The following XRCC1 variants were observed in gnomAD, a reference collection of about 807,000 sequenced individuals.
XRCC1 encodes the protein X-ray repair cross complementing 1, also known as DNA repair protein XRCC1.
XRCC1 carries 52 observed loss-of-function variants against 83.3 expected under a neutral mutation model. The ratio of observed to expected loss-of-function variants is 0.62; its 90% CI spans 0.50 to 0.79. XRCC1 has a LOEUF of 0.79. XRCC1 is among the 30% of genes least tolerant of loss of function. The pLI, the probability that XRCC1 is intolerant of heterozygous loss-of-function variation, is 0.00. For missense variants in XRCC1, 793 were observed against 823.5 expected (o/e 0.96, Z 0.45); for synonymous variants, 281 against 312.6 (o/e 0.90, Z 1.07).
chr19:43,563,547 T>A (rs1013103433), intron 2 of XRCC1, among the ~76,000 whole-genome samples: 4 of 151,954 alleles, frequency 2.6e-5, no homozygotes, highest in African/African-American at 9.7e-5. Context: ...GTCTGACTGC[T>A]CCCCAGGCCA....
At chr19:43,557,536 C>T (rs761771225) in intron 3 of XRCC1, among the ~76,000 whole-genome samples, 3 of 151,818 alleles carry the variant, frequency 2.0e-5, no homozygotes, top group African/African-American at 4.8e-5. Flanking sequence ...TCTTCCTGAC[C>T]TTGACTATAC....
intron 15 of XRCC1, 39 bp downstream of exon 15, chr19:43,544,105 T>C: frequency 6.4e-7 from 1 of 1,551,626 alleles, no homozygotes. Context: ...TTCCCTTGGA[T>C]CCATCACCCC....
At chr19:43,559,305 A>C (rs1279013346) in intron 3 of XRCC1, among the ~76,000 whole-genome samples, 1 of 151,236 alleles carries the variant, frequency 6.6e-6, no homozygotes, top group East Asian at 2.0e-4. Context: ...AACACAGTGA[A>C]ACCCTGTCTC....
At chr19:43,575,300 C>G in intron 1 of XRCC1, 108 bp downstream of exon 1, 1 of 1,237,084 alleles carries the variant, frequency 8.1e-7, no homozygotes, top group Non-Finnish European at 1.1e-6. Flanking sequence ...TCCTGGAAAT[C>G]CCCCCATGAC....
At chr19:43,563,665 C>A (rs1972724152) in intron 2 of XRCC1, among the ~76,000 whole-genome samples, 2 of 152,164 alleles carry the variant, frequency 1.3e-5, no homozygotes, top group Admixed American at 1.3e-4. Context: ...CTGCCTAGAC[C>A]ACTCTTCCCT....
At chr19:43,575,028 A>AT in intron 1 of XRCC1, 26 bp from the exon 2 acceptor site, 1 of 1,583,204 alleles carries the variant, frequency 6.3e-7, no homozygotes, top group South Asian at 1.1e-5. Flanking sequence ...GGAGAGGAGA[A>AT]TTAGGGCACA....
At chr19:43,552,331 C>T (rs1972586931) in intron 8 of XRCC1, 56 bp from the exon 9 acceptor site, 20 of 1,317,812 alleles carry the variant, frequency 1.5e-5, no homozygotes, top group South Asian at 2.6e-5. Flanking sequence ...ACCCCCAGCC[C>T]CTCCTCCCTC....
rs752610644 is a variant in XRCC1 at position 43,548,784 on chromosome 19, A to AAAAAAAAAAAAAAAAAAAAAAAC, written c.1200-1808_1200-1807insGTTTTTTTTTTTTTTTTTTTTTT. Among the ~76,000 whole-genome samples the AAAAAAAAAAAAAAAAAAAAAAAC allele has an allele frequency of 5.2e-4, 74 of 142,108 alleles. 1 individual carries two copies. The highest frequency in any genetic ancestry group is 1.1e-3 in the East Asian group (5 of 4,484). The allele number at this position is 142,108 out of a possible 152,430, so 93.2% of individuals were successfully genotyped here. On this transcript the variant is annotated intron_variant, in intron 10 of 16. Transcript: ENST00000262887. ...GAATGATCAAAAAAAAAAAAAAAAA[A>AAAAAAAAAAAAAAAAAAAAAAAC]AACACAACAGTAGCAGGTTGACACT...
At chr19:43,552,346 C>G (rs963544435) in intron 8 of XRCC1, 71 bp from the exon 9 acceptor site, 3 of 1,158,766 alleles carry the variant, frequency 2.6e-6, no homozygotes, top group Non-Finnish European at 3.7e-6. Context: ...TCCCTCAGAC[C>G]CAGCAGTCCA....
At chr19:43,546,214 G>A (rs906817118) in intron 12 of XRCC1, 108 bp from the exon 13 acceptor site, 1 of 1,285,484 alleles carries the variant, frequency 7.8e-7, no homozygotes, top group African/African-American at 1.5e-5. Context: ...AGCCTCAACT[G>A]CCCTCCAGAT....
chr19:43,560,999 G>C lies in XRCC1; in HGVS notation c.166C>G (p.His56Asp). Residue 56 changes from histidine (H) to aspartate (D), a missense_variant, in exon 3 of 17, where the codon CAC becomes GAC. Transcript: ENST00000262887. Reference protein sequence around the residue: ...VLQLEKEEQIHSVDIGNDGSA... With the variant: ...VLQLEKEEQIDSVDIGNDGSA... ...CCATCATTCCCAATGTCCACACTGT[G>C]TATCTGCTCCTCCTTCTCCAACTGT... is the stretch of plus-strand genomic sequence containing the variant. The C allele has an allele frequency of 2.5e-6, 4 of 1,614,172 alleles. No individual in the cohort carries two copies. Among genetic ancestry groups the C allele is most frequent in the Non-Finnish European group, 3.4e-6 (4 of 1,179,998 alleles).
At chr19:43,570,561 A>G (rs1172717961) in intron 2 of XRCC1, among the ~76,000 whole-genome samples, 1 of 152,236 alleles carries the variant, frequency 6.6e-6, no homozygotes, top group Non-Finnish European at 1.5e-5. Flanking sequence ...AGACAGGAGG[A>G]CTGCTTGAGC....
At chr19:43,568,739 T>TGAGGGAGCAGGAGATGGG (rs1972778664) in intron 2 of XRCC1, among the ~76,000 whole-genome samples, 1 of 148,118 alleles carries the variant, frequency 6.8e-6, no homozygotes. Flanking sequence ...GAGAGAAGAA[T>TGAGGGAGCAGGAGATGGG]GAGGGAGCAG....
At chr19:43,556,737 G>A (rs772354466) in intron 3 of XRCC1, among the ~76,000 whole-genome samples, 6 of 152,022 alleles carry the variant, frequency 3.9e-5, no homozygotes, top group Non-Finnish European at 5.9e-5. Context: ...CCCAGGAGGC[G>A]GAGGTTGCAG....
At chr19:43,559,128 G>A (rs112004591) in intron 3 of XRCC1, among the ~76,000 whole-genome samples, 6 of 151,834 alleles carry the variant, frequency 4.0e-5, no homozygotes, top group African/African-American at 1.5e-4. Flanking sequence ...CCAACAGAGT[G>A]AGACTCTGTC....
Position 43,552,001 on chromosome 19 carries a change from G to C in XRCC1, c.1082+16C>G, listed in dbSNP as rs25492. On this transcript the variant is annotated intron_variant, in intron 9 of 16. Transcript: ENST00000262887. ...GGAGAAACTGCAGCGGCGCAGGGAG[G>C]GGGGCGCAAGCCTACATGAGGTGCG... 2.7e-4 allele frequency: 432 copies of C among 1,612,272 alleles called. 2 individuals are homozygous for C. The African/African-American group carries it at 4.5e-3, about 17-fold the overall frequency.
Position 43,560,932 on chromosome 19 carries a change from C to G in XRCC1, c.233G>C (p.Gly78Ala). ...VEVLVGSSAGGAGEQDYEVLL... is the reference protein window; with the variant it reads ...VEVLVGSSAGAAGEQDYEVLL... ...TACCTCATAGTCTTGCTCCCCAGCG[C>G]CTCCAGCTGAACTGCCCACCAGCAC... Residue 78 changes from glycine to alanine, a missense_variant, in exon 3 of 17, where the codon GGC becomes GCC. Physicochemically the swap from Gly to Ala is moderately conservative, Grantham distance 60. Transcript: ENST00000262887. 1 of 1,614,172 alleles carries G rather than the reference C, an allele frequency of 6.2e-7. No individual in the cohort carries two copies. The highest frequency in any genetic ancestry group is 8.5e-7 in the Non-Finnish European group (1 of 1,180,002).
chr19:43,574,592 C>G (rs945863302), intron 2 of XRCC1: 3 of 306,854 alleles, frequency 9.8e-6, no homozygotes, highest in Non-Finnish European at 1.9e-5. Flanking sequence ...CACCTTCCAG[C>G]CCTGAGCCCA....
At chr19:43,554,835 C>A in intron 3 of XRCC1, 31 bp from the exon 4 acceptor site, 2 of 1,596,306 alleles carry the variant, frequency 1.3e-6, no homozygotes, top group Non-Finnish European at 1.7e-6. Flanking sequence ...TGCATGAGAA[C>A]CAGGGCAGGT....
Sources: gnomAD v4.1 joint callset for allele counts (sites outside exome capture counted in the v4.1 genomes callset) on GRCh38, gnomAD v4.1.1 for gene constraint, MANE v1.5 for transcripts, NCBI Gene and HGNC (gene_info 2026-07-23, HGNC 2026-07-21) for gene names.